Variants in GANC observed in about 807,000 individuals in gnomAD.
GANC encodes neutral alpha-glucosidase C.
In GANC, 117 loss-of-function variants were observed where a neutral mutation model predicts 124.2. That is an observed-to-expected ratio of 0.94 (90% CI 0.81 to 1.10). The LOEUF is 1.10. Among genes scored for constraint, GANC ranks in the 50% least tolerant of loss-of-function variants. The pLI, the probability that GANC is intolerant of heterozygous loss-of-function variation, is 0.00. For missense variants in GANC, 1,140 were observed against 1,095.0 expected (o/e 1.04, Z -0.58); for synonymous variants, 377 against 376.8 (o/e 1.00, Z -0.01).
At chr15:42,329,020 G>T (rs1461191015) in intron 13 of GANC, among the ~76,000 whole-genome samples, 1 of 152,116 alleles carries the variant, frequency 6.6e-6, no homozygotes, top group East Asian at 1.9e-4. Context: ...GAATGAATTT[G>T]CCAGGCAATA....
chr15:42,343,052 A>G (rs2052338653), intron 18 of GANC, 26 bp from the exon 19 acceptor site: 2 of 1,594,880 alleles, frequency 1.3e-6, no homozygotes, highest in South Asian at 2.2e-5. Flanking sequence ...AATGATACTC[A>G]ACTTTATTTC....
intron 4 of GANC, among the ~76,000 whole-genome samples, 175 bp downstream of exon 4, chr15:42,287,993 T>A (rs1209105874): frequency 2.0e-5 from 3 of 152,208 alleles, no homozygotes; most frequent in African/African-American, 7.2e-5. Context: ...ATTCAGTTAT[T>A]TGGGGATAAG....
chr15:42,347,672 A>G (rs1454602310), intron 20 of GANC, among the ~76,000 whole-genome samples: 1 of 152,212 alleles, frequency 6.6e-6, no homozygotes, highest in African/African-American at 2.4e-5. Context: ...ACATACACAC[A>G]TACACAGACT....
In GANC at chr15:42,278,195, A is replaced by G. The variant is rs181108660; in HGVS notation, c.93-287A>G. 73 of 221,950 alleles carry G rather than the reference A, an allele frequency of 3.3e-4. No individual in the cohort carries two copies. In the East Asian group the frequency reaches 6.1e-3, roughly 19 times the overall value. The allele number at this position is 221,950 out of a possible 1,614,324, so 13.7% of individuals were successfully genotyped here. On this transcript the variant is annotated intron_variant, in intron 2 of 23. Transcript: ENST00000318010. ...AGGGAGGGAAATTAACAAGTTCACA[A>G]ATGTCATCTATGAAAATTGCCCCAC...
rs1471772045 is a variant in GANC at position 42,330,659 on chromosome 15, A to G, written c.1728A>G (p.Gly576=). 6.2e-7 allele frequency: 1 copy of G among 1,606,792 alleles called. No homozygotes were observed. The highest frequency in any genetic ancestry group is 2.2e-5 in the East Asian group (1 of 44,714). Residue 576 remains glycine (G), a synonymous_variant, in exon 15 of 24, where the codon GGA becomes GGG. Coordinates refer to ENST00000318010, the MANE Select transcript of GANC (RefSeq NM_198141.3). ...TTCTTACACGTTCTTTCTTTGCTGG[A>G]TCACAAAAGTATGGTAAGGAATGGC... The part of the protein sequence containing the change: ...PFVLTRSFFA[G]SQKYGAVWTG...
chr15:42,287,329 A>G (rs1026810269), intron 3 of GANC, among the ~76,000 whole-genome samples: 6 of 152,166 alleles, frequency 3.9e-5, no homozygotes, highest in South Asian at 2.1e-4. Flanking sequence ...TTCTTAATGT[A>G]TCTGTAGTTT....
intron 5 of GANC, among the ~76,000 whole-genome samples, chr15:42,295,639 GACACAC>G (rs60220273): frequency 0.12 from 16,445 of 137,550 alleles, 1,034 homozygotes; most frequent in South Asian, 0.16. Context: ...CTTTATTATA[GACACAC>G]ACACACACAC....
At chr15:42,294,966 T>C (rs1261563985) in intron 5 of GANC, among the ~76,000 whole-genome samples, 2 of 132,906 alleles carry the variant, frequency 1.5e-5, no homozygotes, top group African/African-American at 5.3e-5. Flanking sequence ...GGTTTGTGCA[T>C]TTGTAGTTTT....
chr15:42,340,915 G>A (rs921340366), intron 18 of GANC, among the ~76,000 whole-genome samples, 161 bp downstream of exon 18: 3 of 151,576 alleles, frequency 2.0e-5, no homozygotes, highest in African/African-American at 4.9e-5. Context: ...ACAGGTGCCC[G>A]CCACCATGCC....
intron 11 of GANC, among the ~76,000 whole-genome samples, chr15:42,322,772 C>A (rs2052171277): frequency 1.3e-5 from 2 of 152,066 alleles, no homozygotes; most frequent in Non-Finnish European, 2.9e-5. Context: ...GGGAGAGAAG[C>A]CCCTGGAACA....
At chr15:42,351,263 T>A in intron 22 of GANC, 66 bp from the exon 23 acceptor site, 1 of 1,056,816 alleles carries the variant, frequency 9.5e-7, no homozygotes, top group African/African-American at 1.6e-5. Flanking sequence ...AGGCTGGAGA[T>A]GTTGAGCTGG....
chr15:42,336,310 G>A (rs1383013744), intron 15 of GANC, among the ~76,000 whole-genome samples: 2 of 152,124 alleles, frequency 1.3e-5, no homozygotes, highest in African/African-American at 2.4e-5. Flanking sequence ...ACAGAATAGA[G>A]GGCCCAGAAA....
At chr15:42,341,839 C>T (rs140680315) in intron 18 of GANC, among the ~76,000 whole-genome samples, 1,657 of 152,262 alleles carry the variant, frequency 0.011, 26 homozygotes, top group African/African-American at 0.037. Flanking sequence ...GCTGGGATTA[C>T]AGGTGTGAGC....
At chr15:42,278,124 C>A in intron 2 of GANC, 1 of 297,268 alleles carries the variant, frequency 3.4e-6, no homozygotes, top group Non-Finnish European at 7.1e-6. Context: ...TATTTAATAT[C>A]CACTAGAAAT....
rs775044138 is a variant in GANC, at chr15:42,310,282, G to A, written c.723-1G>A. 1.4e-5 allele frequency: 22 copies of A among 1,579,424 alleles called. No homozygotes were observed. In the Admixed American group the frequency reaches 3.9e-4, roughly 28 times the overall value. ...AATTGATGATAATCTTTGTGTTTCA[G>A]TGATGGAGATGCTTACCGTCTTTAT... is the stretch of plus-strand genomic sequence containing the variant. On this transcript the variant is annotated splice_acceptor_variant, in intron 8 of 23. Coordinates refer to ENST00000318010, the MANE Select transcript of GANC (RefSeq NM_198141.3). LOFTEE classifies it high-confidence loss of function.
At chr15:42,329,218 A>C in intron 13 of GANC, 88 bp from the exon 14 acceptor site, 1 of 1,329,616 alleles carries the variant, frequency 7.5e-7, no homozygotes, top group Non-Finnish European at 1.0e-6. Flanking sequence ...GATAATAAAC[A>C]TAATTTTTAA....
At chr15:42,315,327 G>A (rs1220269225) in intron 10 of GANC, among the ~76,000 whole-genome samples, 1 of 152,132 alleles carries the variant, frequency 6.6e-6, no homozygotes, top group African/African-American at 2.4e-5. Flanking sequence ...TCTAAAATGA[G>A]CAAAGGATTT....
intron 2 of GANC, among the ~76,000 whole-genome samples, chr15:42,277,175 G>A (rs2051679476): frequency 6.6e-6 from 1 of 152,148 alleles, no homozygotes; most frequent in Non-Finnish European, 1.5e-5. Context: ...TTTGAAATGT[G>A]TTAACTATTA....
chr15:42,291,347 T>A (rs2051839234), intron 4 of GANC, among the ~76,000 whole-genome samples: 1 of 152,198 alleles, frequency 6.6e-6, no homozygotes, highest in South Asian at 2.1e-4. Context: ...AATTATAATC[T>A]GAACTCAGCT....
Sources: allele counts gnomAD v4.1 joint callset (sites outside exome capture counted in the v4.1 genomes callset), GRCh38; gene constraint gnomAD v4.1.1; transcripts MANE v1.5; gene names NCBI Gene and HGNC (gene_info 2026-07-23, HGNC 2026-07-21).